Variants in BABAM2 observed in about 807,000 individuals in gnomAD.
BABAM2 encodes BRISC and BRCA1-A complex member 2.
A neutral mutation model predicts 54.7 loss-of-function variants in BABAM2; 31 were observed. The observed-to-expected ratio is 0.57, with a 90% CI of 0.43 to 0.77. BABAM2 has a LOEUF of 0.77. Among genes scored for constraint, BABAM2 ranks in the 30% least tolerant of loss-of-function variants. BABAM2 has a pLI of 0.00. For synonymous variants in BABAM2, 167 were observed against 162.9 expected (o/e 1.03, Z -0.19); for missense variants, 364 against 455.8 (o/e 0.80, Z 1.83).
intron 6 of BABAM2, among the ~76,000 whole-genome samples, chr2:28,066,170 AAAAT>A (rs1420731978): frequency 1.3e-5 from 2 of 150,924 alleles, no homozygotes; most frequent in Admixed American, 6.6e-5. Context: ...TCTCAAAAAA[AAAAT>A]AAATAAATAA....
intron 7 of BABAM2, among the ~76,000 whole-genome samples, chr2:28,183,416 AG>A (rs1675855634): frequency 1.3e-5 from 2 of 152,138 alleles, no homozygotes; most frequent in Admixed American, 6.5e-5. Flanking sequence ...ACTCCAGCCT[AG>A]GCAACAGAGC....
intron 2 of BABAM2, chr2:27,896,868 G>T: frequency 5.0e-6 from 1 of 200,258 alleles, no homozygotes; most frequent in Non-Finnish European, 1.1e-5. Context: ...CAGGGAGCTC[G>T]TGGTCTCTGT....
At chr2:28,255,536 A>G (rs867863147) in intron 10 of BABAM2, among the ~76,000 whole-genome samples, 6 of 152,190 alleles carry the variant, frequency 3.9e-5, no homozygotes, top group East Asian at 1.9e-4. Flanking sequence ...TGGCCTGCCA[A>G]AGTGCTGGGA....
chr2:28,059,588 A>G (rs1371171572), intron 6 of BABAM2, among the ~76,000 whole-genome samples: 2 of 152,216 alleles, frequency 1.3e-5, no homozygotes, highest in Admixed American at 6.5e-5. Flanking sequence ...TCTTTTCCAT[A>G]GACCAGCAAC....
At chr2:28,182,171 C>G (rs1400320863) in intron 7 of BABAM2, among the ~76,000 whole-genome samples, 1 of 152,164 alleles carries the variant, frequency 6.6e-6, no homozygotes, top group African/African-American at 2.4e-5. Context: ...CTCTGAGAGA[C>G]TCACTGGAGT....
intron 3 of BABAM2, among the ~76,000 whole-genome samples, chr2:27,965,490 C>T (rs576394544): frequency 3.2e-4 from 49 of 152,120 alleles, no homozygotes; most frequent in Middle Eastern, 6.8e-3. Flanking sequence ...AAGCAAATTC[C>T]GAGCGTCATA....
intron 5 of BABAM2, among the ~76,000 whole-genome samples, chr2:28,044,842 G>A (rs537531890): frequency 1.5e-3 from 232 of 152,142 alleles, no homozygotes; most frequent in Middle Eastern, 6.8e-3. Context: ...CAAAATACCA[G>A]GCTGAGCTGC....
At chr2:28,192,669 G>A (rs905037765) in intron 7 of BABAM2, among the ~76,000 whole-genome samples, 17 of 151,172 alleles carry the variant, frequency 1.1e-4, no homozygotes, top group African/African-American at 3.2e-4. Context: ...CTACAGGCAC[G>A]TGCCACCACG....
intron 2 of BABAM2, among the ~76,000 whole-genome samples, chr2:27,905,681 A>C (rs1323543429): frequency 1.3e-5 from 2 of 152,210 alleles, no homozygotes; most frequent in Non-Finnish European, 2.9e-5. Flanking sequence ...CAAGCAGTAT[A>C]ACAGGAACTA....
intron 7 of BABAM2, among the ~76,000 whole-genome samples, chr2:28,194,388 C>G (rs1409791080): frequency 4.6e-5 from 7 of 152,080 alleles, no homozygotes; most frequent in Non-Finnish European, 7.4e-5. Context: ...TTGCTGACCT[C>G]TTTCTAGGCA....
At chr2:28,141,060 G>A (rs575978895) in intron 7 of BABAM2, among the ~76,000 whole-genome samples, 116 of 152,004 alleles carry the variant, frequency 7.6e-4, no homozygotes, top group South Asian at 4.2e-3. Flanking sequence ...TCCATCATGG[G>A]GACTCTACCC....
chr2:27,899,746 C>T (rs1044809421), intron 2 of BABAM2, among the ~76,000 whole-genome samples: 1 of 152,114 alleles, frequency 6.6e-6, no homozygotes, highest in Non-Finnish European at 1.5e-5. Flanking sequence ...GGATTACAGG[C>T]GTGAGCCACT....
At chr2:28,095,127 C>A (rs1427990431) in intron 6 of BABAM2, among the ~76,000 whole-genome samples, 1 of 152,078 alleles carries the variant, frequency 6.6e-6, no homozygotes, top group African/African-American at 2.4e-5. Context: ...AACGGAAATG[C>A]ATTTGTAATT....
chr2:28,045,784 C>T lies in BABAM2; in HGVS notation c.555C>T (p.Pro185=), dbSNP rs201716241. 9 of 1,608,312 alleles carry T rather than the reference C, an allele frequency of 5.6e-6. No homozygotes were observed. The East Asian group carries it at 1.3e-4, about 24-fold the overall frequency. The part of the protein sequence containing the change: ...LKLPVDFSNI[P]TYLLKDVNED... ...TGCCCGTAGATTTCAGCAATATCCC[C>T]ACATACCTTCTCAAGGTAAAAATAT... is the stretch of plus-strand genomic sequence containing the variant. The change falls in exon 6 of 12, where the codon CCC becomes CCT. Residue 185 remains proline (P), a synonymous_variant. Transcript: ENST00000379624.
At chr2:28,044,521 A>G (rs777764807) in intron 5 of BABAM2, among the ~76,000 whole-genome samples, 17 of 152,206 alleles carry the variant, frequency 1.1e-4, no homozygotes, top group Non-Finnish European at 2.2e-4. Context: ...ATGAGCCACC[A>G]TGCCCGGGCA....
chr2:28,026,978 A>AT lies in BABAM2; in HGVS notation c.495+1558_495+1559insT, dbSNP rs1491342790. On this transcript the variant is annotated intron_variant, in intron 5 of 11. Coordinates refer to ENST00000379624, the MANE Select transcript of BABAM2 (RefSeq NM_199191.3). ...TATATAAATATATATATAAATATATAAATATATATAAAAATATATAAATAT... is the reference window on the plus strand; with the variant it reads ...TATATAAATATATATATAAATATATATAATATATATAAAAATATATAAATAT... Among the ~76,000 whole-genome samples, 638 of 105,788 alleles carry AT rather than the reference A, an allele frequency of 6.0e-3. 34 individuals carry two copies. The highest frequency in any genetic ancestry group is 0.025 in the African/African-American group (604 of 24,142). The allele number at this position is 105,788 out of a possible 152,430, so 69.4% of individuals were successfully genotyped here.
chr2:27,983,295 A>G (rs1371164217), intron 3 of BABAM2, among the ~76,000 whole-genome samples: 1 of 152,098 alleles, frequency 6.6e-6, no homozygotes, highest in Non-Finnish European at 1.5e-5. Context: ...TTGAAGGTTT[A>G]TTTATGGACT....
At chr2:27,908,006 C>T (rs866896603) in intron 2 of BABAM2, among the ~76,000 whole-genome samples, 3 of 152,116 alleles carry the variant, frequency 2.0e-5, no homozygotes, top group African/African-American at 7.2e-5. Flanking sequence ...TTTAAAGTCC[C>T]TGTTTTCAGT....
chr2:27,978,307 G>A (rs1671743516), intron 3 of BABAM2, among the ~76,000 whole-genome samples: 1 of 152,186 alleles, frequency 6.6e-6, no homozygotes, highest in South Asian at 2.1e-4. Flanking sequence ...TGCCATGATT[G>A]TAAGCTTGCT....
Sources: gnomAD v4.1 joint callset for allele counts (sites outside exome capture counted in the v4.1 genomes callset) on GRCh38, gnomAD v4.1.1 for gene constraint, MANE v1.5 for transcripts, NCBI Gene and HGNC (gene_info 2026-07-23, HGNC 2026-07-21) for gene names.